The following WWOX variants were observed in gnomAD, a reference collection of about 807,000 sequenced individuals.
WWOX encodes WW domain containing oxidoreductase, also known as WW domain-containing oxidoreductase.
A neutral mutation model predicts 46.2 loss-of-function variants in WWOX; 69 were observed. The observed-to-expected ratio is 1.49, with a 90% CI of 1.23 to 1.82. WWOX has a LOEUF of 1.82. Among genes scored for constraint, WWOX ranks in the 40% most tolerant of loss-of-function variants. The pLI, the probability that WWOX is intolerant of heterozygous loss-of-function variation, is 0.00. For synonymous variants in WWOX, 359 were observed against 202.6 expected (o/e 1.77, Z -6.56); for missense variants, 919 against 542.6 (o/e 1.69, Z -6.89).
intron 8 of WWOX, among the ~76,000 whole-genome samples, chr16:78,802,249 A>G (rs922716291): frequency 3.7e-5 from 5 of 136,072 alleles, no homozygotes; most frequent in African/African-American, 1.4e-4. Context: ...GAATGCGTGC[A>G]AGGCTTTCTG....
chr16:78,352,786 G>T (rs942114102), intron 5 of WWOX, among the ~76,000 whole-genome samples: 1 of 87,462 alleles, frequency 1.1e-5, no homozygotes, highest in Non-Finnish European at 2.6e-5. Context: ...CTTAAAGAAT[G>T]CATGAGTCTT....
intron 5 of WWOX, among the ~76,000 whole-genome samples, chr16:78,169,921 A>G (rs901752638): frequency 2.6e-5 from 4 of 152,140 alleles, no homozygotes; most frequent in Non-Finnish European, 4.4e-5. Context: ...ACTGGCCATT[A>G]GTATAGCGAG....
At chr16:79,008,630 G>C (rs1391087319) in intron 8 of WWOX, among the ~76,000 whole-genome samples, 1 of 152,178 alleles carries the variant, frequency 6.6e-6, no homozygotes, top group Admixed American at 6.5e-5. Context: ...AAAGGCCATG[G>C]AAGGACAGAG....
At chr16:79,176,379 C>G (rs1567599543) in intron 8 of WWOX, among the ~76,000 whole-genome samples, 1 of 152,184 alleles carries the variant, frequency 6.6e-6, no homozygotes, top group Non-Finnish European at 1.5e-5. Context: ...AAGCACTAGT[C>G]ACATGGCTAT....
intron 6 of WWOX, among the ~76,000 whole-genome samples, chr16:78,389,196 C>G (rs947970676): frequency 2.0e-5 from 3 of 152,212 alleles, no homozygotes; most frequent in Admixed American, 6.5e-5. Context: ...AGCTTCCACC[C>G]TTTGCCAGAA....
chr16:79,181,283 T>C (rs1265792298), intron 8 of WWOX, among the ~76,000 whole-genome samples: 2 of 152,244 alleles, frequency 1.3e-5, no homozygotes, highest in South Asian at 4.1e-4. Context: ...TTTTTAAAAA[T>C]GCTTGCATAC....
At chr16:78,645,317 C>T (rs1368850199) in intron 8 of WWOX, among the ~76,000 whole-genome samples, 1 of 152,100 alleles carries the variant, frequency 6.6e-6, no homozygotes, top group Non-Finnish European at 1.5e-5. Context: ...CCTATCAATG[C>T]TTTAACAAAT....
At chr16:78,949,379 C>T (rs763283116) in intron 8 of WWOX, among the ~76,000 whole-genome samples, 1 of 152,168 alleles carries the variant, frequency 6.6e-6, no homozygotes, top group Non-Finnish European at 1.5e-5. Flanking sequence ...TGGGGCCTTC[C>T]ACAGGGTGGG....
intron 8 of WWOX, among the ~76,000 whole-genome samples, chr16:78,932,344 A>C (rs74032442): frequency 0.026 from 3,978 of 152,296 alleles, 162 homozygotes; most frequent in African/African-American, 0.09. Context: ...AGACAATTCC[A>C]GGTGCCCCTC....
chr16:78,420,596 G>A (rs1372601571), intron 6 of WWOX, among the ~76,000 whole-genome samples: 2 of 151,056 alleles, frequency 1.3e-5, no homozygotes, highest in African/African-American at 4.9e-5. Flanking sequence ...AAAGTACACT[G>A]ATGGTGTTTT....
At chr16:78,490,616 C>G (rs1193205525) in intron 8 of WWOX, among the ~76,000 whole-genome samples, 1 of 152,126 alleles carries the variant, frequency 6.6e-6, no homozygotes, top group Non-Finnish European at 1.5e-5. Context: ...CCAAATGAAA[C>G]AAACGATCCT....
intron 8 of WWOX, among the ~76,000 whole-genome samples, chr16:78,811,514 C>G (rs112132241): frequency 0.03 from 4,517 of 151,502 alleles, 78 homozygotes; most frequent in African/African-American, 0.048. Context: ...CTTTCTTTTT[C>G]CTTTTTCTCT....
At chr16:78,383,565 A>G (rs751193050) in intron 5 of WWOX, among the ~76,000 whole-genome samples, 1 of 152,292 alleles carries the variant, frequency 6.6e-6, no homozygotes, top group South Asian at 2.1e-4. Flanking sequence ...GCAATCTGTC[A>G]GCCACTACCT....
At chr16:78,453,417 T>C (rs144515579) in intron 8 of WWOX, among the ~76,000 whole-genome samples, 1 of 145,998 alleles carries the variant, frequency 6.8e-6, no homozygotes, top group East Asian at 2.1e-4. Context: ...AGCGAGACTA[T>C]GTCTCAAAAA....
chr16:78,255,194 T>G (rs2038095163), intron 5 of WWOX, among the ~76,000 whole-genome samples: 1 of 152,210 alleles, frequency 6.6e-6, no homozygotes, highest in East Asian at 1.9e-4. Flanking sequence ...CTTGGCACAT[T>G]CAGATCCCCC....
intron 8 of WWOX, among the ~76,000 whole-genome samples, chr16:79,136,817 A>G (rs2049990189): frequency 6.6e-6 from 1 of 152,210 alleles, no homozygotes. Flanking sequence ...TGCCTGTGTT[A>G]TGCCGGGAAC....
intron 4 of WWOX, among the ~76,000 whole-genome samples, chr16:78,131,459 C>G (rs1398606257): frequency 2.0e-5 from 3 of 152,238 alleles, no homozygotes; most frequent in Non-Finnish European, 4.4e-5. Flanking sequence ...AAGCAGTACA[C>G]TTGCCTCAGC....
chr16:78,964,391 G>C (rs756665316), intron 8 of WWOX, among the ~76,000 whole-genome samples: 1 of 152,096 alleles, frequency 6.6e-6, no homozygotes, highest in Non-Finnish European at 1.5e-5. Context: ...GGTGACTCTT[G>C]TTATGTTTTA....
intron 8 of WWOX, among the ~76,000 whole-genome samples, chr16:78,518,357 G>C (rs543638800): frequency 1.3e-5 from 2 of 151,936 alleles, no homozygotes; most frequent in Admixed American, 1.3e-4. Flanking sequence ...TCAGCCTCCC[G>C]AGTAGCTGGG....
Sources: gnomAD v4.1 joint callset for allele counts (sites outside exome capture counted in the v4.1 genomes callset) on GRCh38, gnomAD v4.1.1 for gene constraint, MANE v1.5 for transcripts, NCBI Gene and HGNC (gene_info 2026-07-23, HGNC 2026-07-21) for gene names.